Variants in ATAD5 observed in about 807,000 individuals in gnomAD.
ATAD5 encodes ATPase family AAA domain containing 5, also known as ATPase family AAA domain-containing protein 5.
In ATAD5, 58 loss-of-function variants were observed where a neutral mutation model predicts 176.9. That is an observed-to-expected ratio of 0.33 (90% CI 0.27 to 0.41). ATAD5 has a LOEUF of 0.41. ATAD5 is among the 10% of genes least tolerant of loss of function. The probability of loss-of-function intolerance (pLI) is 1.00; values close to 1 mark genes in which losing one functional copy is unlikely to be tolerated. For missense variants in ATAD5, 1,789 were observed against 2,094.1 expected, an observed-to-expected ratio of 0.85 and a Z score of 2.84; for synonymous variants, 640 against 712.6, an observed-to-expected ratio of 0.90 and a Z score of 1.62.
At chr17:30,839,745 C>G (rs1239844451) in intron 3 of ATAD5, among the ~76,000 whole-genome samples, 2 of 151,602 alleles carry the variant, frequency 1.3e-5, no homozygotes, top group African/African-American at 4.8e-5. Flanking sequence ...CCAAGCCCAG[C>G]TAATTTTTGT....
At chr17:30,875,579 T>C (rs1246160675) in intron 14 of ATAD5, among the ~76,000 whole-genome samples, 1 of 151,780 alleles carries the variant, frequency 6.6e-6, no homozygotes, top group African/African-American at 2.4e-5. Context: ...GGCGGATCGC[T>C]TGAGCTCAGG....
At chr17:30,855,476 TC>T in intron 7 of ATAD5, 149 bp downstream of exon 7, 1 of 870,368 alleles carries the variant, frequency 1.1e-6, no homozygotes, top group Non-Finnish European at 1.7e-6. Context: ...TCTCTCACTA[TC>T]CATGGGGTTT....
chr17:30,877,565 T>C lies in ATAD5; in HGVS notation c.3918+16T>C. On this transcript the variant is annotated intron_variant, in intron 16 of 22. Transcript: ENST00000321990. ...TTTTGAGGAGGTAGGCTTATAGAAG[T>C]ATACATTTGTGAGAGCTCATGATAA... is the stretch of plus-strand genomic sequence containing the variant. 1.3e-6 allele frequency: 2 copies of C among 1,594,172 alleles called. No individual in the cohort carries two copies. Among genetic ancestry groups the C allele is most frequent in the South Asian group, 2.3e-5 (2 of 86,922 alleles).
chr17:30,839,286 C>CTTTTTTTTTTTTTTTTT (rs1203913975), intron 3 of ATAD5, among the ~76,000 whole-genome samples: 3 of 146,148 alleles, frequency 2.1e-5, no homozygotes, highest in African/African-American at 7.5e-5. Flanking sequence ...ATAGATATAT[C>CTTTTTTTTTTTTTTTTT]TTTTTTTTTT....
intron 3 of ATAD5, among the ~76,000 whole-genome samples, chr17:30,838,907 C>A (rs1040685023): frequency 6.6e-6 from 1 of 152,216 alleles, no homozygotes; most frequent in Non-Finnish European, 1.5e-5. Context: ...TCACTGAAGA[C>A]TTATCCAGCC....
intron 3 of ATAD5, among the ~76,000 whole-genome samples, chr17:30,838,427 T>G (rs2142310463): frequency 6.6e-6 from 1 of 152,366 alleles, no homozygotes. Flanking sequence ...ATCATTAATC[T>G]CATAAAGTAA....
intron 16 of ATAD5, 54 bp downstream of exon 16, chr17:30,877,603 A>G: frequency 6.6e-7 from 1 of 1,512,822 alleles, no homozygotes; most frequent in Middle Eastern, 1.8e-4. Context: ...ACTTACTTTA[A>G]AGAATACTGT....
intron 3 of ATAD5, among the ~76,000 whole-genome samples, chr17:30,839,309 C>T (rs373541749): frequency 2.0e-3 from 307 of 150,586 alleles, no homozygotes; most frequent in African/African-American, 6.6e-3. Context: ...CTTTTTGAGA[C>T]GGAGTCTTGC....
Position 30,858,313 on chromosome 17 carries a change from T to C in ATAD5, c.2946T>C (p.His982=), listed in dbSNP as rs749600576. 3 of 1,532,184 alleles carry C rather than the reference T, an allele frequency of 2.0e-6. No individual in the cohort carries two copies. The highest frequency in any genetic ancestry group is 2.7e-5 in the South Asian group (2 of 75,316). 94.9% of individuals were successfully genotyped at this position (1,532,184 alleles called of 1,614,324 possible). A position where few individuals can be genotyped will look rare whatever the true frequency, so the allele number is the denominator to read the frequency against. Residue 982 remains histidine (H), a synonymous_variant, in exon 9 of 23, where the codon CAT becomes CAC. Coordinates refer to ENST00000321990, the MANE Select transcript of ATAD5 (RefSeq NM_024857.5). Reference sequence around the variant, plus strand: ...ACCAAGTACTTTCTTCCGAGTGTCATAGTAAACAAGGTTAGTGATAATTAT... The same window carrying C: ...ACCAAGTACTTTCTTCCGAGTGTCACAGTAAACAAGGTTAGTGATAATTAT... ...IEHQVLSSEC[H]SKQELEADVS...
In ATAD5 at chr17:30,835,598, C is replaced by G. The variant is rs890537519; in HGVS notation, c.1517C>G (p.Thr506Ser). ...REGNTQKKETTFFLKEKQYQN... is the reference protein window; with the variant it reads ...REGNTQKKETSFFLKEKQYQN... ...GGAAACACTCAAAAGAAAGAAACAA[C>G]CTTTTTCTTAAAAGAGAAACAATAT... The change falls in exon 2 of 23, where the codon ACC (threonine) becomes AGC (serine). Residue 506 changes from threonine to serine, a missense_variant. Physicochemically the swap from Thr to Ser is moderately conservative, Grantham distance 58 (BLOSUM62 1). Around this residue, in one of 6 missense-constraint regions of ATAD5, gnomAD observed 696 missense variants for 712.5 expected, o/e 0.98. Transcript: ENST00000321990. The G allele has an allele frequency of 6.2e-6, 10 of 1,611,700 alleles. No individual in the cohort carries two copies. Among genetic ancestry groups the G allele is most frequent in the Non-Finnish European group, 7.6e-6 (9 of 1,178,666 alleles).
chr17:30,837,091 G>A (rs886861859), intron 2 of ATAD5, 115 bp from the exon 3 acceptor site: 2 of 603,868 alleles, frequency 3.3e-6, no homozygotes, highest in African/African-American at 3.9e-5. Context: ...GTCCTGAGTA[G>A]CTGGGATTAC....
At chr17:30,862,116 C>T (rs934556718) in intron 10 of ATAD5, among the ~76,000 whole-genome samples, 1 of 132,076 alleles carries the variant, frequency 7.6e-6, no homozygotes, top group African/African-American at 2.9e-5. Flanking sequence ...GGGTGGATCA[C>T]CTGCAGTCAG....
In ATAD5 at chr17:30,893,570, T is replaced by A; in HGVS notation, c.4717T>A (p.Leu1573Ile). ...KKKQKKTLVI[L>I]DDSDLFDTDL... Reference sequence around the variant, plus strand: ...GAAACAAAAGAAAACATTGGTAATATTAGATGATAGTGATCTATTTGACAC... The same window carrying A: ...GAAACAAAAGAAAACATTGGTAATAATAGATGATAGTGATCTATTTGACAC... The change falls in exon 21 of 23, where the codon TTA (leucine) becomes ATA (isoleucine). Residue 1573 changes from leucine to isoleucine, a missense_variant. By Grantham distance (5) the Leu-to-Ile change is conservative. Around this residue, in one of 6 missense-constraint regions of ATAD5, gnomAD observed 403 missense variants for 495.1 expected, o/e 0.81. Coordinates refer to ENST00000321990, the MANE Select transcript of ATAD5 (RefSeq NM_024857.5). 6.2e-7 allele frequency: 1 copy of A among 1,613,658 alleles called. No individual in the cohort carries two copies. Among genetic ancestry groups the A allele is most frequent in the South Asian group, 1.1e-5 (1 of 91,000 alleles).
At chr17:30,845,616 T>A (rs1906449741) in intron 6 of ATAD5, among the ~76,000 whole-genome samples, 1 of 152,150 alleles carries the variant, frequency 6.6e-6, no homozygotes, top group Admixed American at 6.6e-5. Flanking sequence ...GAGGCCATGT[T>A]AAGGGATTTT....
At chr17:30,848,915 G>T (rs1906698596) in intron 6 of ATAD5, among the ~76,000 whole-genome samples, 1 of 152,074 alleles carries the variant, frequency 6.6e-6, no homozygotes, top group African/African-American at 2.4e-5. Flanking sequence ...CTGTCGCCCA[G>T]ACTGGAGTAC....
intron 9 of ATAD5, among the ~76,000 whole-genome samples, chr17:30,858,678 G>A (rs1436683901): frequency 1.3e-5 from 2 of 151,618 alleles, no homozygotes; most frequent in African/African-American, 2.4e-5. Flanking sequence ...GAGCCACTGC[G>A]CTTGGCCTAT....
At chr17:30,838,005 G>C (rs1465442901) in intron 3 of ATAD5, among the ~76,000 whole-genome samples, 1 of 152,152 alleles carries the variant, frequency 6.6e-6, no homozygotes, top group East Asian at 1.9e-4. Context: ...CTTTACTGTG[G>C]AGGGCTGTCC....
At position 30,834,867 on chromosome 17, in the gene ATAD5, A is replaced by G. The variant is rs1905612886; in HGVS notation, c.786A>G (p.Ile262Met). 3.7e-6 allele frequency: 6 copies of G among 1,613,400 alleles called. No homozygotes were observed. The highest frequency in any genetic ancestry group is 5.1e-6 in the Non-Finnish European group (6 of 1,179,594). Reference protein sequence around the residue: ...VTEAAQLNDSIITVSYEEFLK... With the variant: ...VTEAAQLNDSMITVSYEEFLK... ...AAGCAGCCCAGTTAAATGATAGTAT[A>G]ATAACTGTCTCATATGAGGAATTTT... The change falls in exon 2 of 23, where the codon ATA (isoleucine) becomes ATG (methionine). Residue 262 changes from isoleucine (I) to methionine (M), a missense_variant. Around this residue, in one of 6 missense-constraint regions of ATAD5, gnomAD observed 696 missense variants for 712.5 expected, o/e 0.98. Transcript: ENST00000321990.
At chr17:30,882,712 TA>T (rs1362354229) in intron 18 of ATAD5, among the ~76,000 whole-genome samples, 1 of 152,260 alleles carries the variant, frequency 6.6e-6, no homozygotes, top group African/African-American at 2.4e-5. Context: ...TATATGCTAA[TA>T]TGGTCTCCAC....
Sources: gnomAD v4.1 joint callset for allele counts (sites outside exome capture counted in the v4.1 genomes callset) on GRCh38, gnomAD v4.1.1 for gene constraint, gnomAD v4.1.1 regional missense constraint, MANE v1.5 for transcripts, NCBI Gene and HGNC (gene_info 2026-07-23, HGNC 2026-07-21) for gene names.